The following SNAP47 variants were observed in gnomAD, a reference collection of about 807,000 sequenced individuals.
SNAP47 encodes synaptosomal-associated protein 47.
In SNAP47, 20 loss-of-function variants were observed where a neutral mutation model predicts 31.4. The observed-to-expected ratio is 0.64, with a 90% CI of 0.45 to 0.93. SNAP47 has a LOEUF of 0.93. Ranked by LOEUF, SNAP47 falls within the 40% of genes least tolerant of loss-of-function variation. The probability of loss-of-function intolerance (pLI) is 0.00; values close to 1 mark genes in which losing one functional copy is unlikely to be tolerated. For synonymous variants in SNAP47, 194 were observed against 213.4 expected (o/e 0.91, Z 0.79); for missense variants, 492 against 528.5 (o/e 0.93, Z 0.68).
intron 1 of SNAP47, 96 bp downstream of exon 1, chr1:227,735,595 A>G: frequency 7.5e-7 from 1 of 1,328,110 alleles, no homozygotes. Context: ...ACACAGCCCG[A>G]GCCCTCCTTC....
chr1:227,775,452 C>T (rs6697054), intron 4 of SNAP47, among the ~76,000 whole-genome samples: 72,051 of 152,056 alleles, frequency 0.47, 17,251 homozygotes, highest in Non-Finnish European at 0.51. Context: ...TGGCTTGGTA[C>T]GGTGATGTGC....
At chr1:227,733,317 C>G (rs1415484138), upstream of SNAP47, 1 of 1,345,338 alleles carries the variant, frequency 7.4e-7, no homozygotes, top group African/African-American at 1.5e-5. Context: ...TGAGCCACCC[C>G]ATTCCAGCCC....
intron 4 of SNAP47, chr1:227,775,801 A>T: frequency 7.7e-7 from 1 of 1,304,190 alleles, no homozygotes; most frequent in South Asian, 1.2e-5. Flanking sequence ...CTTCCGGCCT[A>T]TGTCGCTGTC....
chr1:227,767,278 C>T (rs1369008977), intron 4 of SNAP47, among the ~76,000 whole-genome samples, 195 bp downstream of exon 4: 1 of 152,238 alleles, frequency 6.6e-6, no homozygotes, highest in Admixed American at 6.5e-5. Flanking sequence ...GGTCCACACA[C>T]TTCCTGGAAC....
intron 3 of SNAP47, among the ~76,000 whole-genome samples, chr1:227,761,414 T>A (rs575699935): frequency 6.6e-6 from 1 of 152,294 alleles, no homozygotes; most frequent in East Asian, 1.9e-4. Flanking sequence ...ACCACCTTTC[T>A]GTATATGTCT....
intron 4 of SNAP47, chr1:227,775,835 T>C (rs1664127086): frequency 7.7e-7 from 1 of 1,304,062 alleles, no homozygotes; most frequent in Admixed American, 2.3e-5. Flanking sequence ...TTGGTGATGC[T>C]TTGCTCCGAG....
upstream of SNAP47, chr1:227,734,756 T>C: frequency 6.2e-7 from 1 of 1,614,146 alleles, no homozygotes; most frequent in Non-Finnish European, 8.5e-7. Flanking sequence ...AGTCATGTGC[T>C]CTTTGGGGTT....
At chr1:227,743,185 G>C (rs971804437) in intron 1 of SNAP47, among the ~76,000 whole-genome samples, 1 of 152,132 alleles carries the variant, frequency 6.6e-6, no homozygotes, top group Non-Finnish European at 1.5e-5. Context: ...GCTCCCTCTG[G>C]CCTCCTCCTG....
At chr1:227,736,686 G>GTTTTTTTTTTTTTTTTTTT (rs112159513) in intron 1 of SNAP47, among the ~76,000 whole-genome samples, 26 of 110,908 alleles carry the variant, frequency 2.3e-4, no homozygotes, top group Non-Finnish European at 3.3e-4. Context: ...TTTTGTTTTT[G>GTTTTTTTTTTTTTTTTTTT]TTTTTTTTTT....
intron 4 of SNAP47, among the ~76,000 whole-genome samples, chr1:227,771,605 T>C (rs1663809614): frequency 1.3e-5 from 2 of 152,122 alleles, no homozygotes; most frequent in Non-Finnish European, 1.5e-5. Context: ...GCTCTTTGGC[T>C]AATGGGTTTG....
chr1:227,733,578 G>A (rs576598235), upstream of SNAP47: 4 of 1,607,684 alleles, frequency 2.5e-6, no homozygotes, highest in East Asian at 2.2e-5. Flanking sequence ...TGGCGGTCCC[G>A]CAGGGCCTCT....
intron 1 of SNAP47, among the ~76,000 whole-genome samples, chr1:227,736,964 A>T (rs538683449): frequency 3.9e-5 from 6 of 152,346 alleles, no homozygotes; most frequent in African/African-American, 1.4e-4. Context: ...GGAAGGTTTC[A>T]GGAATTTGGC....
chr1:227,755,319 T>C (rs2102942127), intron 2 of SNAP47, among the ~76,000 whole-genome samples: 1 of 152,308 alleles, frequency 6.6e-6, no homozygotes, highest in East Asian at 1.9e-4. Flanking sequence ...TCCTCCCACC[T>C]CAGCCTCCCA....
intron 4 of SNAP47, 123 bp downstream of exon 4, chr1:227,767,206 G>A (rs1316429591): frequency 2.1e-6 from 3 of 1,420,524 alleles, no homozygotes; most frequent in Non-Finnish European, 2.8e-6. Context: ...CTCGCACCAA[G>A]GAGGAGCTGC....
intron 4 of SNAP47, chr1:227,777,233 A>G (rs1361709077): frequency 2.4e-6 from 1 of 424,322 alleles, no homozygotes; most frequent in Admixed American, 6.4e-5. Context: ...TACATGAAAC[A>G]TAAAGTGATC....
upstream of SNAP47, chr1:227,732,235 G>C: frequency 1.2e-6 from 1 of 849,342 alleles, no homozygotes; most frequent in Non-Finnish European, 1.9e-6. Context: ...GGCCTCACCT[G>C]AAAACAGGCA....
chr1:227,753,218 G>A (rs928105673), intron 2 of SNAP47, among the ~76,000 whole-genome samples: 2 of 152,216 alleles, frequency 1.3e-5, no homozygotes, highest in African/African-American at 4.8e-5. Context: ...GGGAGTGCCG[G>A]TGTCACTTTG....
At chr1:227,735,532 G>A in intron 1 of SNAP47, 33 bp downstream of exon 1, 9 of 1,364,692 alleles carry the variant, frequency 6.6e-6, no homozygotes, top group Non-Finnish European at 8.4e-6. Context: ...TGGGCGCCCG[G>A]CCCAAGCCAA....
chr1:227,761,492 G>A (rs1663058980), intron 3 of SNAP47, among the ~76,000 whole-genome samples: 1 of 152,196 alleles, frequency 6.6e-6, no homozygotes, highest in Non-Finnish European at 1.5e-5. Context: ...GAAATGTAAT[G>A]AAATCCATTG....
Sources: gnomAD v4.1 joint callset for allele counts (sites outside exome capture counted in the v4.1 genomes callset) on GRCh38, gnomAD v4.1.1 for gene constraint, MANE v1.5 for transcripts, NCBI Gene and HGNC (gene_info 2026-07-23, HGNC 2026-07-21) for gene names.